The following NUP58 variants were observed in gnomAD, a reference collection of about 807,000 sequenced individuals.
The protein encoded by NUP58 is nucleoporin p58/p45.
A neutral mutation model predicts 70.1 loss-of-function variants in NUP58; 17 were observed. The ratio of observed to expected loss-of-function variants is 0.24; its 90% CI spans 0.17 to 0.36. The LOEUF (loss-of-function observed/expected upper bound fraction) is 0.36, where lower values mean the gene tolerates loss of function less well. NUP58 is among the 10% of genes least tolerant of loss of function. NUP58 has a pLI of 1.00. For missense variants in NUP58, 644 were observed against 701.5 expected (o/e 0.92, Z 0.93); for synonymous variants, 275 against 257.6 (o/e 1.07, Z -0.65).
chr13:25,327,382 G>A, intron 11 of NUP58, 48 bp from the exon 12 acceptor site: 1 of 1,210,274 alleles, frequency 8.3e-7, no homozygotes, highest in Non-Finnish European at 1.2e-6. Flanking sequence ...AATGGATTGT[G>A]CTATATATAT....
intron 6 of NUP58, among the ~76,000 whole-genome samples, chr13:25,316,850 A>T (rs2030953938): frequency 6.6e-6 from 1 of 152,178 alleles, no homozygotes; most frequent in Admixed American, 6.5e-5. Context: ...TGTACCTAAG[A>T]TAGAGTTGAG....
chr13:25,309,752 G>C (rs950663294), intron 3 of NUP58, among the ~76,000 whole-genome samples: 1 of 152,140 alleles, frequency 6.6e-6, no homozygotes, highest in African/African-American at 2.4e-5. Context: ...AATAACTAGG[G>C]TTTCAGCCAG....
chr13:25,307,561 A>AT (rs946979079), intron 1 of NUP58, among the ~76,000 whole-genome samples: 163 of 151,504 alleles, frequency 1.1e-3, no homozygotes, highest in African/African-American at 3.2e-3. Context: ...ATGTGGATTT[A>AT]TTTTTTTTTA....
intron 13 of NUP58, chr13:25,332,265 A>T: frequency 1.0e-6 from 1 of 985,482 alleles, no homozygotes. Context: ...AGATTGTTTT[A>T]TTTCTTGGTT....
At chr13:25,326,657 TAACTA>T (rs2137796267) in intron 10 of NUP58, among the ~76,000 whole-genome samples, 1 of 152,276 alleles carries the variant, frequency 6.6e-6, no homozygotes, top group African/African-American at 2.4e-5. Context: ...ACAATATTAT[TAACTA>T]AACTACTAAA....
intron 13 of NUP58, chr13:25,336,433 T>G (rs949963976): frequency 4.2e-6 from 2 of 471,888 alleles, no homozygotes; most frequent in Admixed American, 4.0e-5. Flanking sequence ...CTTACTCTTA[T>G]GAAATAACAT....
In NUP58 at chr13:25,307,874, C is replaced by A; in HGVS notation, c.176C>A (p.Pro59His). The change falls in exon 2 of 16, where the codon CCT (proline) becomes CAT (histidine). Residue 59 changes from proline to histidine, a missense_variant. By Grantham distance (77) the Pro-to-His change is moderately conservative. Transcript: ENST00000381736. The stretch of plus-strand genomic sequence containing the variant: ...TCAACTCCAGCAACTACATCTGCTC[C>A]TTCAAGTGGTTTTGGAACCGGGCTC... ...STSTPATTSA[P>H]SSGFGTGLFG... The A allele has an allele frequency of 6.2e-7, 1 of 1,614,176 alleles. No homozygotes were observed.
chr13:25,317,706 T>C (rs2137761049), intron 6 of NUP58: 1 of 152,018 alleles, frequency 6.6e-6, no homozygotes, highest in African/African-American at 2.4e-5. Flanking sequence ...CTATAGAAGA[T>C]AGGTGGCAAT....
chr13:25,340,576 ATATG>A lies in NUP58; in HGVS notation c.*449_*452del, dbSNP rs2031924358. The A allele has an allele frequency of 6.5e-6, 1 of 152,970 alleles. No homozygotes were observed. The allele number at this position is 152,970 out of a possible 1,614,324, so 9.5% of individuals were successfully genotyped here. On this transcript the variant is annotated 3_prime_UTR_variant, in exon 16 of 16. Transcript: ENST00000381736. ...AATTATACTGCAGGGCATCTTGTGA[ATATG>A]TATGTAAATATATACAGAATAATAC...
In NUP58 at chr13:25,320,984, T is replaced by C. The variant is rs776607319; in HGVS notation, c.842T>C (p.Leu281Pro). The part of the protein sequence containing the change: ...EISRMSSKAM[L>P]KVQEDIKALK... ...AGTAGAATGTCTTCAAAAGCAATGC[T>C]TAAGGTACAAGAAGATATTAAAGCT... Residue 281 changes from leucine (L) to proline (P), a missense_variant, in exon 9 of 16, where the codon CTT (leucine) becomes CCT (proline). Physicochemically the swap from Leu to Pro is moderately conservative, Grantham distance 98 (BLOSUM62 -3). Coordinates refer to ENST00000381736, the MANE Select transcript of NUP58 (RefSeq NM_014089.4). 9 of 1,598,094 alleles carry C rather than the reference T, an allele frequency of 5.6e-6. No homozygotes were observed.
chr13:25,304,758 G>A (rs1365634379), intron 1 of NUP58, among the ~76,000 whole-genome samples: 1 of 151,560 alleles, frequency 6.6e-6, no homozygotes, highest in African/African-American at 2.4e-5. Context: ...TCAAACTCCT[G>A]ACTTCAGGTG....
intron 3 of NUP58, chr13:25,309,856 GAAAGGA>G: frequency 5.2e-6 from 1 of 191,930 alleles, no homozygotes; most frequent in Non-Finnish European, 1.1e-5. Flanking sequence ...TAAGTTAAAG[GAAAGGA>G]AAAGGAAATG....
intron 1 of NUP58, 89 bp downstream of exon 1, chr13:25,301,969 C>A: frequency 1.2e-6 from 1 of 817,090 alleles, no homozygotes; most frequent in Non-Finnish European, 1.9e-6. Flanking sequence ...CTGTCTCTTC[C>A]CTCTGGCTTC....
chr13:25,302,885 G>A (rs909927228), intron 1 of NUP58: 2 of 446,922 alleles, frequency 4.5e-6, no homozygotes, highest in African/African-American at 2.0e-5. Context: ...AACAGGTTCT[G>A]ATAATGTTAC....
intron 9 of NUP58, among the ~76,000 whole-genome samples, chr13:25,324,596 A>G (rs2031318449): frequency 6.6e-6 from 1 of 152,178 alleles, no homozygotes; most frequent in South Asian, 2.1e-4. Context: ...CAAGCACCCA[A>G]ATGTTAATTG....
chr13:25,335,230 G>C, intron 13 of NUP58: 1 of 985,068 alleles, frequency 1.0e-6, no homozygotes, highest in Non-Finnish European at 1.2e-6. Flanking sequence ...ATGAGTTCTT[G>C]ATTATATTCT....
chr13:25,314,607 A>G (rs1319349739), intron 5 of NUP58, among the ~76,000 whole-genome samples: 1 of 152,250 alleles, frequency 6.6e-6, no homozygotes, highest in African/African-American at 2.4e-5. Flanking sequence ...AGGCAGGACA[A>G]TCACTTGAAC....
chr13:25,333,501 C>A (rs1173618529), intron 13 of NUP58: 3 of 985,284 alleles, frequency 3.0e-6, no homozygotes, highest in Non-Finnish European at 3.6e-6. Flanking sequence ...TTAACCTAAA[C>A]AACCTTACAG....
intron 9 of NUP58, among the ~76,000 whole-genome samples, chr13:25,323,701 A>G (rs1398069485): frequency 1.4e-5 from 1 of 70,522 alleles, no homozygotes; most frequent in African/African-American, 2.8e-5. Context: ...TTCATTTTTA[A>G]TAAGTAACTT....
Sources: gnomAD v4.1 joint callset for allele counts (sites outside exome capture counted in the v4.1 genomes callset) on GRCh38, gnomAD v4.1.1 for gene constraint, MANE v1.5 for transcripts, NCBI Gene and HGNC (gene_info 2026-07-23, HGNC 2026-07-21) for gene names.